SHLD2: variants seen among roughly 807,000 people sequenced by gnomAD.
The protein encoded by SHLD2 is RINN1-REV7-interacting novel NHEJ regulator 2.
A neutral mutation model predicts 73.2 loss-of-function variants in SHLD2; 30 were observed. That is an observed-to-expected ratio of 0.41 (90% CI 0.31 to 0.56). The LOEUF is 0.56. Ranked by LOEUF, SHLD2 falls within the 20% of genes least tolerant of loss-of-function variation. SHLD2 has a pLI of 0.28. For synonymous variants in SHLD2, 285 were observed against 370.1 expected (o/e 0.77, Z 2.64); for missense variants, 745 against 1,055.9 (o/e 0.71, Z 4.08).
At chr10:87,159,454 T>C (rs1472426724) in intron 4 of SHLD2, among the ~76,000 whole-genome samples, 1 of 152,202 alleles carries the variant, frequency 6.6e-6, no homozygotes, top group Admixed American at 6.5e-5. Flanking sequence ...TGTTCTCATG[T>C]GGAAGACAGA....
intron 8 of SHLD2, among the ~76,000 whole-genome samples, chr10:87,186,320 T>C (rs1276139669): frequency 1.3e-5 from 2 of 152,226 alleles, no homozygotes; most frequent in African/African-American, 2.4e-5. Context: ...TCTCAATTTA[T>C]TTTTTAAAAA....
At chr10:87,106,080 T>C (rs1486861340) in intron 2 of SHLD2, among the ~76,000 whole-genome samples, 1 of 152,134 alleles carries the variant, frequency 6.6e-6, no homozygotes, top group Non-Finnish European at 1.5e-5. Context: ...CTCGGCTCAC[T>C]GGAACCTCCG....
intron 3 of SHLD2, among the ~76,000 whole-genome samples, chr10:87,156,049 C>T (rs1356178042): frequency 6.6e-6 from 1 of 151,028 alleles, no homozygotes; most frequent in Admixed American, 6.6e-5. Flanking sequence ...TGATATATAC[C>T]CCCAAACAGA....
At position 87,152,177 on chromosome 10, in the gene SHLD2, G is replaced by A. The variant is rs1327033848; in HGVS notation, c.823G>A (p.Glu275Lys). 1 of 1,602,206 alleles carries A rather than the reference G, an allele frequency of 6.2e-7. No homozygotes were observed. The highest frequency in any genetic ancestry group is 8.5e-7 in the Non-Finnish European group (1 of 1,173,344). Residue 275 changes from glutamate (E) to lysine (K), a missense_variant, in exon 3 of 10, where the codon GAA becomes AAA. Physicochemically the swap from Glu to Lys is moderately conservative, Grantham distance 56. Transcript: ENST00000298786. ...TAAAGGGAATGTAAACATGGAGACT[G>A]AACCAAAGGCAAGTTACGGGGAGAT... ...VNKGNVNMETEPKASYGEIRI... is the reference protein window; with the variant it reads ...VNKGNVNMETKPKASYGEIRI...
At chr10:87,095,323 T>C (rs896123333) in intron 1 of SHLD2, 75 bp downstream of exon 1, 19 of 150,648 alleles carry the variant, frequency 1.3e-4, no homozygotes, top group South Asian at 6.2e-4. Flanking sequence ...CTGGCCTCTG[T>C]AGGGCGCTCA....
At chr10:87,106,657 A>T (rs117047735) in intron 2 of SHLD2, among the ~76,000 whole-genome samples, 3,724 of 152,312 alleles carry the variant, frequency 0.024, 73 homozygotes, top group Non-Finnish European at 0.036. Flanking sequence ...ACAGAAATCC[A>T]TCCTCAACTT....
At chr10:87,112,871 G>T (rs1029264041) in intron 2 of SHLD2, among the ~76,000 whole-genome samples, 1 of 152,110 alleles carries the variant, frequency 6.6e-6, no homozygotes. Flanking sequence ...TAAACATACA[G>T]TTGCCATATG....
intron 2 of SHLD2, among the ~76,000 whole-genome samples, chr10:87,125,813 A>G (rs1479484233): frequency 6.8e-6 from 1 of 147,758 alleles, no homozygotes; most frequent in African/African-American, 2.5e-5. Context: ...TGTAATCCCA[A>G]CTACTCGGGA....
rs185781152 is a variant in SHLD2, at chr10:87,186,576, A to G, written c.2400-509A>G. On this transcript the variant is annotated intron_variant, in intron 8 of 9. Coordinates refer to ENST00000298786, the MANE Select transcript of SHLD2 (RefSeq NM_001330112.2). Reference sequence around the variant, plus strand: ...AATATTGTTCATGTTGTTGTTCCCTAGAGTCTATCCTGGTGCTCCTTCCCT... The same window carrying G: ...AATATTGTTCATGTTGTTGTTCCCTGGAGTCTATCCTGGTGCTCCTTCCCT... 5.6e-3 allele frequency among the ~76,000 whole-genome samples: 853 copies of G among 152,308 alleles called. 13 individuals are homozygous for G. Among genetic ancestry groups the G allele is most frequent in the African/African-American group, 0.02 (816 of 41,566 alleles).
intron 2 of SHLD2, among the ~76,000 whole-genome samples, chr10:87,136,034 T>C (rs1190944835): frequency 6.6e-6 from 1 of 151,834 alleles, no homozygotes; most frequent in Non-Finnish European, 1.5e-5. Flanking sequence ...AAAGTGTCTA[T>C]ATAAATTATT....
At chr10:87,165,190 GAA>G (rs61041593) in intron 4 of SHLD2, among the ~76,000 whole-genome samples, 109 of 144,096 alleles carry the variant, frequency 7.6e-4, no homozygotes, top group Non-Finnish European at 6.5e-4. Context: ...CTGTCTCAAG[GAA>G]AAAAAAAAAA....
At chr10:87,184,037 G>A (rs1388068493) in intron 8 of SHLD2, among the ~76,000 whole-genome samples, 6 of 152,060 alleles carry the variant, frequency 3.9e-5, no homozygotes, top group Non-Finnish European at 7.3e-5. Context: ...TTTGCTTGAC[G>A]TCCATCTCAC....
chr10:87,096,107 C>T (rs1020966715), intron 1 of SHLD2, among the ~76,000 whole-genome samples: 2 of 152,228 alleles, frequency 1.3e-5, no homozygotes, highest in Admixed American at 1.3e-4. Flanking sequence ...GTGGCACCAT[C>T]TCGGCTCACT....
rs1849023484 is a variant in SHLD2 at position 87,190,830 on chromosome 10, C to A, written c.*147C>A. 3.0e-6 allele frequency: 2 copies of A among 656,444 alleles called. No homozygotes were observed. The highest frequency in any genetic ancestry group is 5.9e-5 in the Admixed American group (2 of 33,882). The allele number at this position is 656,444 out of a possible 1,614,324, so 40.7% of individuals were successfully genotyped here. ...ATTGCACTAGATATATAAATTAAAA[C>A]TTTTTTCTAAGAAAATCCTGTGAGG... On this transcript the variant is annotated 3_prime_UTR_variant, in exon 10 of 10. Transcript: ENST00000298786.
intron 8 of SHLD2, among the ~76,000 whole-genome samples, chr10:87,183,838 A>G (rs1206320462): frequency 2.0e-5 from 3 of 152,100 alleles, no homozygotes; most frequent in Non-Finnish European, 4.4e-5. Context: ...CCTGTCTCTC[A>G]GGCCCTTCTT....
rs1046184586 is a variant in SHLD2 at position 87,102,935 on chromosome 10, G to A, written c.-6+5946G>A. Among the ~76,000 whole-genome samples the A allele has an allele frequency of 3.9e-5, 6 of 152,082 alleles. No homozygotes were observed. In the South Asian group the frequency reaches 1.2e-3, roughly 32 times the overall value. ...AAACAAGGTACTAAAAATCTGGCTGGGCGTGGTGGCTCGCTCCTGTAATCC... is the reference window on the plus strand; with the variant it reads ...AAACAAGGTACTAAAAATCTGGCTGAGCGTGGTGGCTCGCTCCTGTAATCC... On this transcript the variant is annotated intron_variant, in intron 2 of 9. Coordinates refer to ENST00000298786, the MANE Select transcript of SHLD2 (RefSeq NM_001330112.2).
rs751942922 is a variant in SHLD2 at position 87,151,577 on chromosome 10, G to A, written c.223G>A (p.Gly75Ser). ...PESIGSPDLS[G>S]HFLANCMNRH... ...ATCTATTGGTTCTCCAGATCTTAGT[G>A]GTCATTTCTTAGCAAACTGTATGAA... The change falls in exon 3 of 10, where the codon GGT (glycine) becomes AGT (serine). Residue 75 changes from glycine (G) to serine (S), a missense_variant. By Grantham distance (56) the Gly-to-Ser change is moderately conservative. Coordinates refer to ENST00000298786, the MANE Select transcript of SHLD2 (RefSeq NM_001330112.2). 1.2e-6 allele frequency: 2 copies of A among 1,611,532 alleles called. No individual in the cohort carries two copies. Among genetic ancestry groups the A allele is most frequent in the Non-Finnish European group, 1.7e-6 (2 of 1,179,586 alleles).
At chr10:87,123,542 A>G (rs181164761) in intron 2 of SHLD2, among the ~76,000 whole-genome samples, 146 of 152,364 alleles carry the variant, frequency 9.6e-4, no homozygotes, top group Non-Finnish European at 1.8e-3. Context: ...ACACAGCATG[A>G]AAGTCTCAGT....
chr10:87,141,060 G>A (rs1483809369), intron 2 of SHLD2, among the ~76,000 whole-genome samples: 4 of 151,118 alleles, frequency 2.6e-5, no homozygotes, highest in South Asian at 2.1e-4. Flanking sequence ...TAGGATGATC[G>A]CTTGAGCCCA....
Sources: gnomAD v4.1 joint callset for allele counts (sites outside exome capture counted in the v4.1 genomes callset) on GRCh38, gnomAD v4.1.1 for gene constraint, MANE v1.5 for transcripts, NCBI Gene and HGNC (gene_info 2026-07-23, HGNC 2026-07-21) for gene names.